TEK: variants seen among roughly 807,000 people sequenced by gnomAD.
The protein encoded by TEK is angiopoietin-1 receptor.
Under a neutral mutation model 131.8 loss-of-function variants are expected in TEK, and 43 were observed. That is an observed-to-expected ratio of 0.33 (90% CI 0.26 to 0.42). The LOEUF is 0.42. TEK is among the 10% of genes least tolerant of loss of function. The pLI, the probability that TEK is intolerant of heterozygous loss-of-function variation, is 1.00. For missense variants in TEK, 1,162 were observed against 1,384.4 expected, an observed-to-expected ratio of 0.84 and a Z score of 2.55; for synonymous variants, 580 against 491.6, an observed-to-expected ratio of 1.18 and a Z score of -2.38.
chr9:27,161,279 C>T (rs1042590695), intron 2 of TEK, among the ~76,000 whole-genome samples: 1 of 152,204 alleles, frequency 6.6e-6, no homozygotes, highest in Non-Finnish European at 1.5e-5. Context: ...AGTTTTAATT[C>T]GTTCTCCATC....
chr9:27,142,660 G>A (rs956925746), intron 1 of TEK, among the ~76,000 whole-genome samples: 2 of 152,226 alleles, frequency 1.3e-5, no homozygotes, highest in African/African-American at 4.8e-5. Context: ...AAAGTACTAA[G>A]GCAAAGGGGT....
At chr9:27,200,952 A>G (rs942617784) in intron 12 of TEK, among the ~76,000 whole-genome samples, 1 of 152,136 alleles carries the variant, frequency 6.6e-6, no homozygotes, top group Non-Finnish European at 1.5e-5. Context: ...TCTAATCCAC[A>G]TTTTAGTTCT....
chr9:27,122,268 C>G (rs564355718), intron 1 of TEK, among the ~76,000 whole-genome samples: 1 of 152,056 alleles, frequency 6.6e-6, no homozygotes, highest in Admixed American at 6.6e-5. Context: ...CTAATAAAGG[C>G]AGATGGAAAC....
At chr9:27,179,544 G>A (rs898971173) in intron 6 of TEK, among the ~76,000 whole-genome samples, 7 of 152,090 alleles carry the variant, frequency 4.6e-5, no homozygotes, top group African/African-American at 1.7e-4. Context: ...GGAGACTCTG[G>A]AATATGATAC....
rs188786540 is a variant in TEK at position 27,212,943 on chromosome 9, C to T, written c.2877+46C>T. 1,726 of 1,595,984 alleles carry T rather than the reference C, an allele frequency of 1.1e-3. 4 individuals carry two copies. Among genetic ancestry groups the T allele is most frequent in the Middle Eastern group, 2.0e-3 (12 of 5,924 alleles). Reference sequence around the variant, plus strand: ...TTTGGATATCTTTCCTGTGGAGTTCCCTCTAAAGTCAGTTTCAATATGTTT... The same window carrying T: ...TTTGGATATCTTTCCTGTGGAGTTCTCTCTAAAGTCAGTTTCAATATGTTT... On this transcript the variant is annotated intron_variant, in intron 17 of 22. Transcript: ENST00000380036.
At chr9:27,117,064 A>G (rs935960396) in intron 1 of TEK, among the ~76,000 whole-genome samples, 4 of 151,164 alleles carry the variant, frequency 2.6e-5, no homozygotes, top group Non-Finnish European at 4.4e-5. Context: ...ACGTGGTTTC[A>G]CTGTGTTAGC....
intron 21 of TEK, among the ~76,000 whole-genome samples, chr9:27,224,573 C>T (rs536587266): frequency 1.3e-5 from 2 of 152,150 alleles, no homozygotes; most frequent in African/African-American, 2.4e-5. Flanking sequence ...AGGCTAAACA[C>T]GCTCAGTAAA....
chr9:27,157,982 C>T lies in TEK; in HGVS notation c.204C>T (p.His68=). The T allele has an allele frequency of 6.2e-7, 1 of 1,613,926 alleles. No homozygotes were observed. The highest frequency in any genetic ancestry group is 8.5e-7 in the Non-Finnish European group (1 of 1,179,976). The stretch of plus-strand genomic sequence containing the variant: ...ACTTTGAAGCCTTAATGAACCAGCA[C>T]CAGGATCCGCTGGAAGTTACTCAAG... ...GRDFEALMNQ[H]QDPLEVTQDV... Residue 68 remains histidine, a synonymous_variant, in exon 2 of 23, where the codon CAC becomes CAT. Transcript: ENST00000380036.
At chr9:27,145,841 A>G (rs780060943) in intron 1 of TEK, among the ~76,000 whole-genome samples, 2 of 152,238 alleles carry the variant, frequency 1.3e-5, no homozygotes, top group East Asian at 1.9e-4. Flanking sequence ...AATTAGAACA[A>G]TGTCATTAGA....
intron 1 of TEK, among the ~76,000 whole-genome samples, chr9:27,132,110 C>T (rs1328096882): frequency 7.1e-6 from 1 of 140,224 alleles, no homozygotes; most frequent in East Asian, 2.1e-4. Context: ...TTTCTTGAGA[C>T]GGAGTCTTGC....
chr9:27,154,942 G>A (rs1823276072), intron 1 of TEK, among the ~76,000 whole-genome samples: 1 of 152,182 alleles, frequency 6.6e-6, no homozygotes, highest in African/African-American at 2.4e-5. Flanking sequence ...ACATAGCTTG[G>A]TTGTCTTTTC....
intron 9 of TEK, among the ~76,000 whole-genome samples, chr9:27,185,940 G>A (rs140954545): frequency 6.6e-6 from 1 of 152,210 alleles, no homozygotes; most frequent in East Asian, 1.9e-4. Context: ...TACCTCTTAG[G>A]GTTATTGTGA....
At chr9:27,192,919 A>G (rs1292318607) in intron 11 of TEK, among the ~76,000 whole-genome samples, 1 of 152,210 alleles carries the variant, frequency 6.6e-6, no homozygotes, top group Non-Finnish European at 1.5e-5. Context: ...GGCCTCCCCT[A>G]GGAGCTGGGA....
At chr9:27,124,796 G>C (rs1031334244) in intron 1 of TEK, among the ~76,000 whole-genome samples, 1 of 152,074 alleles carries the variant, frequency 6.6e-6, no homozygotes, top group Admixed American at 6.5e-5. Flanking sequence ...CTTAAATTTA[G>C]AAAACACAAA....
intron 1 of TEK, among the ~76,000 whole-genome samples, chr9:27,151,734 C>T (rs2131105941): frequency 6.6e-6 from 1 of 152,310 alleles, no homozygotes; most frequent in Middle Eastern, 3.4e-3. Flanking sequence ...ATATTCACTG[C>T]TGTGTCTCCA....
chr9:27,203,492 C>CT (rs5897222), intron 13 of TEK, among the ~76,000 whole-genome samples: 4 of 152,054 alleles, frequency 2.6e-5, no homozygotes, highest in South Asian at 2.1e-4. Context: ...TCAAACACTC[C>CT]TTTTTTTAGC....
At chr9:27,117,126 A>C (rs1821601557) in intron 1 of TEK, among the ~76,000 whole-genome samples, 1 of 152,056 alleles carries the variant, frequency 6.6e-6, no homozygotes, top group Non-Finnish European at 1.5e-5. Context: ...CGGCCTCCCA[A>C]AATGCTGGGA....
At chr9:27,208,413 C>G (rs1825480780) in intron 15 of TEK, among the ~76,000 whole-genome samples, 1 of 152,088 alleles carries the variant, frequency 6.6e-6, no homozygotes, top group South Asian at 2.1e-4. Flanking sequence ...TATGCACCAA[C>G]CAATAGCCTT....
At chr9:27,209,392 T>C (rs897494189) in intron 16 of TEK, among the ~76,000 whole-genome samples, 161 bp downstream of exon 16, 1 of 152,350 alleles carries the variant, frequency 6.6e-6, no homozygotes, top group African/African-American at 2.4e-5. Context: ...TAGACTGTGC[T>C]GTGGTTTGCC....
Sources: allele counts gnomAD v4.1 joint callset (sites outside exome capture counted in the v4.1 genomes callset), GRCh38; gene constraint gnomAD v4.1.1; transcripts MANE v1.5; gene names NCBI Gene and HGNC (gene_info 2026-07-23, HGNC 2026-07-21).